RHBDD1: variants seen among roughly 807,000 people sequenced by gnomAD.
RHBDD1 encodes the protein rhomboid domain containing 1.
In RHBDD1, 38 loss-of-function variants were observed where a neutral mutation model predicts 36.3. The ratio of observed to expected loss-of-function variants is 1.05; its 90% CI spans 0.81 to 1.37. The LOEUF (loss-of-function observed/expected upper bound fraction) is 1.37, where lower values mean the gene tolerates loss of function less well. Ranked by LOEUF, RHBDD1 falls within the 40% of genes most tolerant of loss-of-function variation. RHBDD1 has a pLI of 0.00. For synonymous variants in RHBDD1, 151 were observed against 136.5 expected, an observed-to-expected ratio of 1.11 and a Z score of -0.74; for missense variants, 393 against 377.6, an observed-to-expected ratio of 1.04 and a Z score of -0.34.
chr2:226,917,163 T>C (rs1193394006), intron 8 of RHBDD1, among the ~76,000 whole-genome samples: 1 of 151,944 alleles, frequency 6.6e-6, no homozygotes, highest in African/African-American at 2.4e-5. Flanking sequence ...GGTATTGAAA[T>C]ATATACTAAC....
intron 5 of RHBDD1, among the ~76,000 whole-genome samples, chr2:226,892,170 T>G (rs1946742728): frequency 6.6e-6 from 1 of 152,222 alleles, no homozygotes; most frequent in African/African-American, 2.4e-5. Context: ...AGCTAGCATT[T>G]CTATGCTGTT....
chr2:226,812,472 A>G, the RHBDD1 span, among the ~76,000 whole-genome samples: 5 of 152,258 alleles, frequency 3.3e-5, no homozygotes, highest in African/African-American at 1.2e-4. Context: ...TCGAAACAAC[A>G]TATGTGTCCA....
chr2:226,974,771 G>A (rs886691681), intron 8 of RHBDD1, among the ~76,000 whole-genome samples: 2 of 152,022 alleles, frequency 1.3e-5, no homozygotes, highest in South Asian at 4.2e-4. Context: ...GCTGAGAGTC[G>A]TGAACTGTAC....
At chr2:226,873,777 G>A (rs1055408039) in intron 5 of RHBDD1, among the ~76,000 whole-genome samples, 2 of 152,176 alleles carry the variant, frequency 1.3e-5, no homozygotes, top group Admixed American at 6.5e-5. Context: ...GTCTATGATG[G>A]TATGAAATTG....
At chr2:226,867,478 T>C (rs571399758) in intron 5 of RHBDD1, 160 bp downstream of exon 5, 2 of 784,072 alleles carry the variant, frequency 2.6e-6, no homozygotes, top group African/African-American at 3.8e-5. Flanking sequence ...CAGATATTTC[T>C]GGGTTTGAAT....
intron 8 of RHBDD1, among the ~76,000 whole-genome samples, chr2:226,949,879 G>T (rs1325762526): frequency 2.6e-5 from 4 of 151,914 alleles, no homozygotes; most frequent in Non-Finnish European, 5.9e-5. Context: ...CTCTTATAAG[G>T]ATACTAGTCA....
the RHBDD1 span, chr2:226,807,391 A>G: frequency 1.3e-5 from 2 of 152,248 alleles, no homozygotes; most frequent in African/African-American, 4.8e-5. Context: ...TTAAATTATT[A>G]GTTTTATTAA....
intron 3 of RHBDD1, among the ~76,000 whole-genome samples, chr2:226,863,344 A>G (rs2125214766): frequency 6.6e-6 from 1 of 152,344 alleles, no homozygotes; most frequent in Middle Eastern, 3.4e-3. Context: ...GGCTCTAAAT[A>G]AATAAATACA....
At chr2:226,988,877 GATCC>G in intron 8 of RHBDD1, 1 of 206,852 alleles carries the variant, frequency 4.8e-6, no homozygotes, top group Non-Finnish European at 8.5e-6. Flanking sequence ...TGTCAAAGGA[GATCC>G]TAATTCTAGA....
At chr2:226,816,794 G>A in the RHBDD1 span, among the ~76,000 whole-genome samples, 9 of 152,156 alleles carry the variant, frequency 5.9e-5, no homozygotes, top group African/African-American at 1.9e-4. Context: ...TACTCGGGAG[G>A]CTGAGGCAGG....
intron 5 of RHBDD1, among the ~76,000 whole-genome samples, chr2:226,871,252 T>G (rs1944775055): frequency 6.6e-6 from 1 of 152,210 alleles, no homozygotes; most frequent in Admixed American, 6.5e-5. Flanking sequence ...ATTTATAAAT[T>G]TATAAATTTT....
chr2:226,884,454 A>G (rs1946047411), intron 5 of RHBDD1, among the ~76,000 whole-genome samples: 1 of 152,160 alleles, frequency 6.6e-6, no homozygotes, highest in Non-Finnish European at 1.5e-5. Context: ...AAATAATTTG[A>G]TTCTAATTTA....
chr2:226,983,214 A>G (rs1391311333), intron 8 of RHBDD1, among the ~76,000 whole-genome samples: 1 of 152,176 alleles, frequency 6.6e-6, no homozygotes, highest in African/African-American at 2.4e-5. Flanking sequence ...CCCAACAGAC[A>G]TTGATCTGGA....
At chr2:226,934,376 A>C (rs138608539) in intron 8 of RHBDD1, among the ~76,000 whole-genome samples, 1 of 152,250 alleles carries the variant, frequency 6.6e-6, no homozygotes, top group East Asian at 1.9e-4. Context: ...TTGCCTAATG[A>C]CACATTTTTT....
chr2:226,918,995 A>G (rs533359776), intron 8 of RHBDD1, among the ~76,000 whole-genome samples: 3 of 152,204 alleles, frequency 2.0e-5, no homozygotes, highest in Non-Finnish European at 2.9e-5. Flanking sequence ...TGTCTCTTGC[A>G]TAAAAGCCAT....
chr2:226,970,724 C>T (rs1390113787), intron 8 of RHBDD1, among the ~76,000 whole-genome samples: 12 of 152,146 alleles, frequency 7.9e-5, no homozygotes, highest in Non-Finnish European at 1.8e-4. Flanking sequence ...TTATTTGATT[C>T]TCAAAACTGC....
chr2:226,959,984 G>A (rs895453216), intron 8 of RHBDD1, among the ~76,000 whole-genome samples: 10 of 151,944 alleles, frequency 6.6e-5, no homozygotes, highest in African/African-American at 2.4e-4. Context: ...CACCATGCCC[G>A]GCTAATTTTT....
intron 3 of RHBDD1, among the ~76,000 whole-genome samples, chr2:226,840,800 A>G (rs1941528246): frequency 6.6e-6 from 1 of 152,156 alleles, no homozygotes; most frequent in African/African-American, 2.4e-5. Context: ...GTTACTTACA[A>G]TGACTTCAGT....
chr2:226,846,924 T>C (rs974989850), intron 3 of RHBDD1, among the ~76,000 whole-genome samples: 7 of 152,178 alleles, frequency 4.6e-5, no homozygotes, highest in Non-Finnish European at 7.3e-5. Flanking sequence ...CTTGTGGAAG[T>C]AGTTGTCAGA....
Sources: allele counts gnomAD v4.1 joint callset (sites outside exome capture counted in the v4.1 genomes callset), GRCh38; gene constraint gnomAD v4.1.1; transcripts MANE v1.5; gene names NCBI Gene and HGNC (gene_info 2026-07-23, HGNC 2026-07-21).